Variants in COX7A1 observed in about 807,000 individuals in gnomAD.
COX7A1 encodes the protein cytochrome c oxidase subunit 7A1.
A neutral mutation model predicts 13.2 loss-of-function variants in COX7A1; 21 were observed. The ratio of observed to expected loss-of-function variants is 1.59; its 90% CI spans 1.13 to 2.29. The LOEUF (loss-of-function observed/expected upper bound fraction) is 2.29, where lower values mean the gene tolerates loss of function less well. Ranked by LOEUF, COX7A1 falls within the 30% of genes most tolerant of loss-of-function variation. The pLI, the probability that COX7A1 is intolerant of heterozygous loss-of-function variation, is 0.00. For missense variants in COX7A1, 107 were observed against 100.0 expected (o/e 1.07, Z -0.30); for synonymous variants, 41 against 41.9 (o/e 0.98, Z 0.08).
chr19:36,151,413 CTG>C (rs1340570973), intron 3 of COX7A1, 47 bp downstream of exon 3: 1 of 1,605,226 alleles, frequency 6.2e-7, no homozygotes, highest in Non-Finnish European at 8.5e-7. Context: ...ACCTCTTACT[CTG>C]GGTCCAGCCC....
rs780576270 is a variant in COX7A1, at chr19:36,151,548, T to G, written c.103-2A>C. ...GTACAACGGGATGTCATTGTCCTCC[T>G]GGATGTGGGGGTGTCTGATGAGAAA... On this transcript the variant is annotated splice_acceptor_variant, in intron 2 of 3. Coordinates refer to ENST00000292907, the MANE Select transcript of COX7A1 (RefSeq NM_001864.4). LOFTEE classifies it high-confidence loss of function. 1 of 1,614,158 alleles carries G rather than the reference T, an allele frequency of 6.2e-7. No homozygotes were observed. The highest frequency in any genetic ancestry group is 1.1e-5 in the South Asian group (1 of 91,088).
chr19:36,151,669 C>CCCCGGGGGG lies in COX7A1; in HGVS notation c.101_102insCCCCCCGGG (p.Gln34delinsHisProProGly). 6.3e-7 allele frequency: 1 copy of CCCCGGGGGG among 1,591,928 alleles called. No individual in the cohort carries two copies. The highest frequency in any genetic ancestry group is 8.6e-7 in the Non-Finnish European group (1 of 1,168,896). ...ATCCCCACCCCCCCCGACCCCCCAC[C>CCCCGGGGGG]TGGAAGAGCTTCTGTTTCTCGCGCA... On this transcript the variant is annotated protein_altering_variant and splice_region_variant, in exon 2 of 4. Coordinates refer to ENST00000292907, the MANE Select transcript of COX7A1 (RefSeq NM_001864.4).
chr19:36,152,151 C>T (rs17886476), intron 1 of COX7A1: 24 of 572,732 alleles, frequency 4.2e-5, no homozygotes, highest in Non-Finnish European at 7.2e-5. Context: ...CCGGGTGAGG[C>T]CAGTGTTAAG....
chr19:36,151,578 T>G, intron 2 of COX7A1, 32 bp from the exon 3 acceptor site: 1 of 1,613,118 alleles, frequency 6.2e-7, no homozygotes, highest in Non-Finnish European at 8.5e-7. Context: ...GAGAAAGGGG[T>G]GCTGGCTGCT....
Position 36,151,653 on chromosome 19 carries a change from C to A in COX7A1, c.102+16G>T, listed in dbSNP as rs371763146. The A allele has an allele frequency of 3.4e-5, 48 of 1,413,696 alleles. 1 individual carries two copies. Among genetic ancestry groups the A allele is most frequent in the South Asian group, 1.0e-4 (9 of 86,344 alleles). 87.6% of individuals were successfully genotyped at this position (1,413,696 alleles called of 1,614,324 possible). Reference sequence around the variant, plus strand: ...CCGGCTGGCGCGTCGGATCCCCACCCCCCCCGACCCCCCACCTGGAAGAGC... The same window carrying A: ...CCGGCTGGCGCGTCGGATCCCCACCACCCCCGACCCCCCACCTGGAAGAGC... On this transcript the variant is annotated intron_variant, in intron 2 of 3. Transcript: ENST00000292907.
At chr19:36,151,209 C>G (rs1020529406) in intron 3 of COX7A1, among the ~76,000 whole-genome samples, 175 bp from the exon 4 acceptor site, 1 of 152,124 alleles carries the variant, frequency 6.6e-6, no homozygotes, top group Non-Finnish European at 1.5e-5. Flanking sequence ...TTGATCTAGA[C>G]CGGGCTGGGA....
chr19:36,151,160 C>G lies in COX7A1; in HGVS notation c.188-126G>C, dbSNP rs1974761011. On this transcript the variant is annotated intron_variant, in intron 3 of 3. Coordinates refer to ENST00000292907, the MANE Select transcript of COX7A1 (RefSeq NM_001864.4). ...CCAGCTCTAGTTCGGACTCCAGCTC[C>G]CTTCCCAGATTGGACTCCTATTGTA... The G allele has an allele frequency of 3.9e-6, 4 of 1,016,710 alleles. No homozygotes were observed. The South Asian group carries it at 6.3e-5, about 16-fold the overall frequency. The allele number at this position is 1,016,710 out of a possible 1,614,324, so 63.0% of individuals were successfully genotyped here. A position where few individuals can be genotyped will look rare whatever the true frequency, so the allele number is the denominator to read the frequency against.
chr19:36,151,078 T>G (rs760205377), intron 3 of COX7A1, 44 bp from the exon 4 acceptor site: 33 of 1,584,692 alleles, frequency 2.1e-5, no homozygotes, highest in Admixed American at 1.1e-4. Context: ...CCTAATCCCC[T>G]CCCTGGACAT....
At chr19:36,151,334 G>A in intron 3 of COX7A1, 128 bp downstream of exon 3, 3 of 978,774 alleles carry the variant, frequency 3.1e-6, no homozygotes, top group Non-Finnish European at 4.6e-6. Flanking sequence ...CTCCAGCTCA[G>A]TACTCGACCC....
chr19:36,151,662 C>CA lies in COX7A1; in HGVS notation c.102+6_102+7insT. ...GCGTCGGATCCCCACCCCCCCCGACCCCCCACCTGGAAGAGCTTCTGTTTC... is the reference window on the plus strand; with the variant it reads ...GCGTCGGATCCCCACCCCCCCCGACCACCCCACCTGGAAGAGCTTCTGTTTC... On this transcript the variant is annotated splice_region_variant and intron_variant, in intron 2 of 3. Transcript: ENST00000292907. 1 of 1,576,690 alleles carries CA rather than the reference C, an allele frequency of 6.3e-7. No individual in the cohort carries two copies. Among genetic ancestry groups the CA allele is most frequent in the East Asian group, 2.3e-5 (1 of 43,482 alleles).
In COX7A1 at chr19:36,150,946, T is replaced by A. The variant is rs1199797683; in HGVS notation, c.*36A>T. On this transcript the variant is annotated 3_prime_UTR_variant, in exon 4 of 4. Transcript: ENST00000292907. ...ACAGAGGCCAGCGTTTATTGACACT[T>A]GTTCAAGTCTCTCAGGCCCCCCAGG... 6.2e-7 allele frequency: 1 copy of A among 1,603,292 alleles called. No homozygotes were observed. Among genetic ancestry groups the A allele is most frequent in the Non-Finnish European group, 8.5e-7 (1 of 1,170,378 alleles).
intron 3 of COX7A1, 97 bp from the exon 4 acceptor site, chr19:36,151,131 G>A: frequency 3.9e-6 from 5 of 1,279,926 alleles, no homozygotes; most frequent in Non-Finnish European, 4.4e-6. Context: ...TCCCAGCCTG[G>A]ACCCCAGCTC....
chr19:36,151,649 C>CCCG lies in COX7A1; in HGVS notation c.102+19_102+20insCGG. 1 of 1,398,560 alleles carries CCCG rather than the reference C, an allele frequency of 7.2e-7. No homozygotes were observed. The highest frequency in any genetic ancestry group is 9.7e-7 in the Non-Finnish European group (1 of 1,029,282). 86.6% of individuals were successfully genotyped at this position (1,398,560 alleles called of 1,614,324 possible). ...GCTCCCGGCTGGCGCGTCGGATCCC[C>CCCG]ACCCCCCCCGACCCCCCACCTGGAA... On this transcript the variant is annotated intron_variant, in intron 2 of 3. Coordinates refer to ENST00000292907, the MANE Select transcript of COX7A1 (RefSeq NM_001864.4).
intron 2 of COX7A1, 53 bp downstream of exon 2, chr19:36,151,616 C>A: frequency 2.5e-6 from 4 of 1,610,694 alleles, no homozygotes; most frequent in African/African-American, 1.3e-5. Flanking sequence ...CCTGCCCCGG[C>A]TCGGCGCGCT....
intron 2 of COX7A1, 24 bp downstream of exon 2, chr19:36,151,645 T>TTGCCC: frequency 2.9e-6 from 4 of 1,387,626 alleles, no homozygotes; most frequent in South Asian, 1.2e-5. Context: ...GCGCGTCGGA[T>TTGCCC]CCCCACCCCC....
At position 36,151,504 on chromosome 19, in the gene COX7A1, C is replaced by T. The variant is rs760849616; in HGVS notation, c.145G>A (p.Asp49Asn). 6.2e-7 allele frequency: 1 copy of T among 1,614,198 alleles called. No homozygotes were observed. Among genetic ancestry groups the T allele is most frequent in the East Asian group, 2.2e-5 (1 of 44,886 alleles). The change falls in exon 3 of 4, where the codon GAC becomes AAC. Residue 49 changes from aspartate (D) to asparagine (N), a missense_variant. Transcript: ENST00000292907. ...ATTGTCACTCGGTACAGGATGTTGT[C>T]AACGATGCCGCCCTTCAGGTACAAC... is the stretch of plus-strand genomic sequence containing the variant. ...IPLYLKGGIV[D>N]NILYRVTMTL... is the part of the protein sequence containing the mutation.
Position 36,151,689 on chromosome 19 carries a change from C to A in COX7A1, c.82G>T (p.Glu28Ter). The stretch of plus-strand genomic sequence containing the variant: ...CCCACCTGGAAGAGCTTCTGTTTCT[C>A]GCGCACTCGGTTCTGAAAGCGGTTC... ...ARNRFQNRVR[E>*]KQKLFQEDND... The change falls in exon 2 of 4, where the codon GAG becomes TAG. Residue 28 changes from glutamate to a stop codon, truncating the protein, a stop_gained. Coordinates refer to ENST00000292907, the MANE Select transcript of COX7A1 (RefSeq NM_001864.4). LOFTEE classifies it high-confidence loss of function. The A allele has an allele frequency of 8.4e-7, 1 of 1,185,332 alleles. No homozygotes were observed. Among genetic ancestry groups the A allele is most frequent in the East Asian group, 3.8e-5 (1 of 26,214 alleles). The allele number at this position is 1,185,332 out of a possible 1,614,324, so 73.4% of individuals were successfully genotyped here. A position where few individuals can be genotyped will look rare whatever the true frequency, so the allele number is the denominator to read the frequency against.
intron 1 of COX7A1, 147 bp downstream of exon 1, chr19:36,152,246 A>G: frequency 5.2e-6 from 3 of 573,716 alleles, no homozygotes; most frequent in Non-Finnish European, 5.7e-6. Context: ...ATTGTGGGGG[A>G]AGGGACCCAG....
At position 36,152,391 on chromosome 19, in the gene COX7A1, AC is replaced by A. The variant is rs773857361; in HGVS notation, c.15+1del. On this transcript the variant is annotated splice_donor_variant, in intron 1 of 3. Coordinates refer to ENST00000292907, the MANE Select transcript of COX7A1 (RefSeq NM_001864.4). LOFTEE classifies it high-confidence loss of function. ...CTCCGGCCCAGCCCATGGGGGCCTCACCCGAAGGGCCTGCATTCTGCCTTGT... is the reference window on the plus strand; with the variant it reads ...CTCCGGCCCAGCCCATGGGGGCCTCACCGAAGGGCCTGCATTCTGCCTTGT... 2.9e-5 allele frequency: 40 copies of A among 1,356,926 alleles called. No homozygotes were observed. Among genetic ancestry groups the A allele is most frequent in the Non-Finnish European group, 3.5e-5 (37 of 1,044,506 alleles). The allele number at this position is 1,356,926 out of a possible 1,614,324, so 84.1% of individuals were successfully genotyped here.
Sources: gnomAD v4.1 joint callset for allele counts (sites outside exome capture counted in the v4.1 genomes callset) on GRCh38, gnomAD v4.1.1 for gene constraint, MANE v1.5 for transcripts, NCBI Gene and HGNC (gene_info 2026-07-23, HGNC 2026-07-21) for gene names.